PCDH15: variants seen among roughly 807,000 people sequenced by gnomAD.
PCDH15 encodes protocadherin-15.
A neutral mutation model predicts 178.5 loss-of-function variants in PCDH15; 129 were observed. The observed-to-expected ratio is 0.72, with a 90% confidence interval of 0.63 to 0.84. The LOEUF is 0.84. PCDH15 is among the 40% of genes least tolerant of loss of function. The pLI is 0.00. For synonymous variants in PCDH15, 800 were observed against 732.0 expected, an observed-to-expected ratio of 1.09 and a Z score of -1.50; for missense variants, 2,230 against 2,099.9, an observed-to-expected ratio of 1.06 and a Z score of -1.21.
At chr10:54,586,547 G>A (rs2091481385) in intron 2 of PCDH15, among the ~76,000 whole-genome samples, 1 of 152,102 alleles carries the variant, frequency 6.6e-6, no homozygotes, top group African/African-American at 2.4e-5. Flanking sequence ...GATGAACTAA[G>A]GCTTAGAAAA....
chr10:54,442,417 TATATATATATATATATATATATATATA>T (rs2075860709), intron 3 of PCDH15, among the ~76,000 whole-genome samples: 5 of 60,730 alleles, frequency 8.2e-5, no homozygotes, highest in Admixed American at 5.6e-4. Flanking sequence ...TTAAAGGCTA[TATATATATATATATATATATATATATA>T]TATATATATA....
At chr10:54,673,224 CT>C (rs1211639558) in intron 1 of PCDH15, among the ~76,000 whole-genome samples, 1 of 151,944 alleles carries the variant, frequency 6.6e-6, no homozygotes, top group Non-Finnish European at 1.5e-5. Context: ...CTCCCCTAAC[CT>C]CCCCACCCCC....
intron 2 of PCDH15, among the ~76,000 whole-genome samples, chr10:55,446,751 T>C (rs1224142623): frequency 6.6e-6 from 1 of 152,122 alleles, no homozygotes; most frequent in Non-Finnish European, 1.5e-5. Flanking sequence ...ACATCTGCCA[T>C]TGCCATGTGA....
At chr10:54,555,324 G>A (rs1056072995) in intron 2 of PCDH15, among the ~76,000 whole-genome samples, 1 of 152,052 alleles carries the variant, frequency 6.6e-6, no homozygotes, top group Admixed American at 6.6e-5. Flanking sequence ...CTTTAACATC[G>A]TTTGCTCATT....
intron 2 of PCDH15, among the ~76,000 whole-genome samples, chr10:55,383,925 ATG>A (rs545655016): frequency 1.3e-3 from 199 of 152,310 alleles, no homozygotes; most frequent in African/African-American, 4.5e-3. Context: ...ATTCAAAATT[ATG>A]TGTCATTATG....
At chr10:53,984,148 C>CTTTTTTTTTTTTTTTTTTTTTTTTTTT (rs66540462) in intron 21 of PCDH15, among the ~76,000 whole-genome samples, 14 of 63,558 alleles carry the variant, frequency 2.2e-4, no homozygotes, top group East Asian at 8.3e-4. Context: ...TTTTTCTTTT[C>CTTTTTTTTTTTTTTTTTTTTTTTTTTT]TTTTTTTTTT....
chr10:55,141,823 T>G (rs2132089439), intron 2 of PCDH15, among the ~76,000 whole-genome samples: 1 of 151,740 alleles, frequency 6.6e-6, no homozygotes, highest in Middle Eastern at 3.4e-3. Context: ...GTTTTCACCT[T>G]AGAGGAGAAA....
chr10:54,626,395 G>A (rs2093551708), intron 2 of PCDH15, among the ~76,000 whole-genome samples: 1 of 152,142 alleles, frequency 6.6e-6, no homozygotes, highest in Admixed American at 6.5e-5. Context: ...TTCATGGGCA[G>A]GGCTCAAAGT....
intron 3 of PCDH15, among the ~76,000 whole-genome samples, chr10:54,462,512 C>CTTTTTCTTTTTCTTT (rs2077241097): frequency 1.3e-4 from 9 of 66,892 alleles, no homozygotes; most frequent in African/African-American, 6.6e-4. Flanking sequence ...TTTTTCTTTT[C>CTTTTTCTTTTTCTTT]TTTTTTTTTT....
intron 2 of PCDH15, among the ~76,000 whole-genome samples, chr10:54,974,745 T>C (rs1026335550): frequency 6.6e-6 from 1 of 152,152 alleles, no homozygotes; most frequent in African/African-American, 2.4e-5. Flanking sequence ...GGCATATCCT[T>C]TGATACAGTT....
At chr10:55,541,845 T>C (rs1028142891) in intron 2 of PCDH15, among the ~76,000 whole-genome samples, 3 of 151,906 alleles carry the variant, frequency 2.0e-5, no homozygotes, top group African/African-American at 7.2e-5. Context: ...TAGGATTATA[T>C]TATAGCCACC....
At chr10:53,919,718 G>A (rs1420019178) in intron 25 of PCDH15, among the ~76,000 whole-genome samples, 2 of 152,024 alleles carry the variant, frequency 1.3e-5, no homozygotes, top group Non-Finnish European at 2.9e-5. Flanking sequence ...AGTAATCCTT[G>A]GATTTGTGAT....
In PCDH15 at chr10:53,823,125, C is replaced by CTTATG. The variant is rs2132508266; in HGVS notation, c.4368-2900_4368-2896dup. 2 of 1,613,998 alleles carry CTTATG rather than the reference C, an allele frequency of 1.2e-6. No individual in the cohort carries two copies. The highest frequency in any genetic ancestry group is 1.7e-6 in the Non-Finnish European group (2 of 1,179,950). On this transcript the variant is annotated intron_variant, in intron 32 of 37. Coordinates refer to ENST00000644397, the MANE Select transcript of PCDH15 (RefSeq NM_001384140.1). ...AATGTCTGAATTTGTTGATACTTGA[C>CTTATG]TTATGTTTTCCTTATAAAGGGGATT...
intron 2 of PCDH15, among the ~76,000 whole-genome samples, chr10:54,980,368 T>A (rs974425572): frequency 2.6e-5 from 4 of 152,144 alleles, no homozygotes; most frequent in African/African-American, 9.6e-5. Flanking sequence ...CTTTTTTTAA[T>A]TAAAAAATAT....
intron 10 of PCDH15, among the ~76,000 whole-genome samples, chr10:54,201,288 C>T (rs1008416309): frequency 2.0e-5 from 3 of 152,030 alleles, no homozygotes; most frequent in Non-Finnish European, 2.9e-5. Flanking sequence ...ACTCTTATGT[C>T]AATGTAGTGA....
At chr10:54,290,961 C>T (rs905818879) in intron 8 of PCDH15, among the ~76,000 whole-genome samples, 2 of 152,196 alleles carry the variant, frequency 1.3e-5, no homozygotes, top group Admixed American at 1.3e-4. Context: ...GACTTTAACG[C>T]CTCACTGTCA....
intron 6 of PCDH15, among the ~76,000 whole-genome samples, chr10:54,334,142 A>G (rs1655761193): frequency 6.6e-6 from 1 of 152,184 alleles, no homozygotes; most frequent in Non-Finnish European, 1.5e-5. Flanking sequence ...CACACGCCCC[A>G]AACACCTGGC....
At chr10:54,159,717 G>T (rs2045521406) in intron 13 of PCDH15, among the ~76,000 whole-genome samples, 1 of 151,940 alleles carries the variant, frequency 6.6e-6, no homozygotes, top group Non-Finnish European at 1.5e-5. Context: ...CATTACAATA[G>T]GCAAAGATAT....
At chr10:54,696,954 C>T (rs147695358) in intron 1 of PCDH15, among the ~76,000 whole-genome samples, 94 of 152,118 alleles carry the variant, frequency 6.2e-4, no homozygotes, top group South Asian at 2.3e-3. Flanking sequence ...TGGAAATTTA[C>T]GTTTCTTTTA....
Sources: gnomAD v4.1 joint callset for allele counts (sites outside exome capture counted in the v4.1 genomes callset) on GRCh38, gnomAD v4.1.1 for gene constraint, MANE v1.5 for transcripts, NCBI Gene and HGNC (gene_info 2026-07-23, HGNC 2026-07-21) for gene names.